FAM13B: variants seen among roughly 807,000 people sequenced by gnomAD.
FAM13B encodes family with sequence similarity 13 member B.
FAM13B carries 60 observed loss-of-function variants against 117.3 expected under a neutral mutation model. That is an observed-to-expected ratio of 0.51 (90% CI 0.42 to 0.63). The LOEUF (loss-of-function observed/expected upper bound fraction) is 0.63, where lower values mean the gene tolerates loss of function less well. Ranked by LOEUF, FAM13B falls within the 30% of genes least tolerant of loss-of-function variation. The pLI is 0.00. For synonymous variants in FAM13B, 332 were observed against 356.1 expected, an observed-to-expected ratio of 0.93 and a Z score of 0.76; for missense variants, 972 against 1,091.9, an observed-to-expected ratio of 0.89 and a Z score of 1.55.
Position 137,943,142 on chromosome 5 carries a change from T to G in FAM13B, c.2415A>C (p.Glu805Asp). Residue 805 changes from glutamate (E) to aspartate (D), a missense_variant, in exon 21 of 24, where the codon GAA becomes GAC. Coordinates refer to ENST00000689681, the MANE Select transcript of FAM13B (RefSeq NM_001385994.1). ...IIEGETAHFF[E>D]EIKEEEEDGV... ...TTCTTTAAAGGATTACCTTGATTTC[T>G]TCAAAAAAATGTGCAGTTTCTCCTT... The G allele has an allele frequency of 6.2e-7, 1 of 1,614,130 alleles. No homozygotes were observed. Among genetic ancestry groups the G allele is most frequent in the Non-Finnish European group, 8.5e-7 (1 of 1,179,996 alleles).
At chr5:137,945,747 T>A (rs1247183613) in intron 20 of FAM13B, among the ~76,000 whole-genome samples, 155 bp downstream of exon 20, 1 of 152,234 alleles carries the variant, frequency 6.6e-6, no homozygotes, top group East Asian at 1.9e-4. Flanking sequence ...GCAGACATTA[T>A]TAGTTTCCTA....
At chr5:137,948,708 T>C (rs1764102903) in intron 18 of FAM13B, among the ~76,000 whole-genome samples, 1 of 152,192 alleles carries the variant, frequency 6.6e-6, no homozygotes, top group Non-Finnish European at 1.5e-5. Flanking sequence ...TATACACTCA[T>C]CTTGCCAACT....
Position 137,948,976 on chromosome 5 carries a change from C to T in FAM13B, c.2139G>A (p.Arg713=), listed in dbSNP as rs779856268. Residue 713 remains arginine, a synonymous_variant, in exon 18 of 24, where the codon AGG becomes AGA. Coordinates refer to ENST00000689681, the MANE Select transcript of FAM13B (RefSeq NM_001385994.1). ...TTACCTTGATATCTTCTGGAAGACACCTCTCAATACGTTTTTCTTTCAGTC... is the reference window on the plus strand; with the variant it reads ...TTACCTTGATATCTTCTGGAAGACATCTCTCAATACGTTTTTCTTTCAGTC... ...LKRLKEKRIE[R]CLPEDIKKMT... The T allele has an allele frequency of 2.5e-6, 4 of 1,613,386 alleles. No homozygotes were observed. The highest frequency in any genetic ancestry group is 1.1e-5 in the South Asian group (1 of 91,072).
intron 7 of FAM13B, among the ~76,000 whole-genome samples, chr5:137,993,972 T>C (rs1405051222): frequency 1.3e-5 from 2 of 152,104 alleles, no homozygotes; most frequent in African/African-American, 4.8e-5. Flanking sequence ...ATATCCAGCC[T>C]CCAAAAAGAA....
At chr5:138,013,744 T>A (rs1190429693) in intron 4 of FAM13B, among the ~76,000 whole-genome samples, 1 of 152,146 alleles carries the variant, frequency 6.6e-6, no homozygotes, top group Admixed American at 6.6e-5. Context: ...AGAAAATTAT[T>A]ATAGAAATCA....
intron 17 of FAM13B, among the ~76,000 whole-genome samples, chr5:137,951,472 C>T (rs1765016064): frequency 6.6e-6 from 1 of 151,860 alleles, no homozygotes; most frequent in Non-Finnish European, 1.5e-5. Flanking sequence ...AATCCAGGCA[C>T]AAAGCAAGAC....
At chr5:138,022,088 G>A (rs1243010939) in intron 1 of FAM13B, among the ~76,000 whole-genome samples, 1 of 149,538 alleles carries the variant, frequency 6.7e-6, no homozygotes, top group African/African-American at 2.5e-5. Context: ...ACTCCAGCCC[G>A]GGCAACAAAG....
intron 1 of FAM13B, among the ~76,000 whole-genome samples, chr5:138,032,194 G>A (rs934459626): frequency 6.6e-6 from 1 of 152,176 alleles, no homozygotes; most frequent in Admixed American, 6.5e-5. Context: ...GAACCCTAAT[G>A]CTATACAAAG....
intron 1 of FAM13B, among the ~76,000 whole-genome samples, chr5:138,045,692 C>T (rs1430099000): frequency 6.6e-6 from 1 of 151,868 alleles, no homozygotes; most frequent in African/African-American, 2.4e-5. Context: ...GAGGTACGTA[C>T]ACAGGTGGTA....
In FAM13B at chr5:137,973,340, C is replaced by G. The variant is rs576112128; in HGVS notation, c.1180-10871G>C. Among the ~76,000 whole-genome samples, 782 of 152,050 alleles carry G rather than the reference C, an allele frequency of 5.1e-3. 3 individuals are homozygous for G. Among genetic ancestry groups the G allele is most frequent in the African/African-American group, 0.012 (517 of 41,460 alleles). ...ACTATCTGATCTTTGACAAACCTGA[C>G]AAAAACAAGCAATGGGGAAAGGATT... On this transcript the variant is annotated intron_variant, in intron 10 of 23. Coordinates refer to ENST00000689681, the MANE Select transcript of FAM13B (RefSeq NM_001385994.1).
In FAM13B at chr5:137,953,586, C is replaced by T. The variant is rs1250524341; in HGVS notation, c.1719-121G>A. ...CTTAAAGGTAAAAATAAGTCCCTAA[C>T]ACTAAAGGACAGGTAGTATAAAGAA... On this transcript the variant is annotated intron_variant, in intron 15 of 23. Coordinates refer to ENST00000689681, the MANE Select transcript of FAM13B (RefSeq NM_001385994.1). 6.4e-6 allele frequency: 6 copies of T among 939,496 alleles called. No individual in the cohort carries two copies. The African/African-American group carries it at 9.8e-5, about 15-fold the overall frequency. 58.2% of individuals were successfully genotyped at this position (939,496 alleles called of 1,614,324 possible).
rs1467304074 is a variant in FAM13B, at chr5:138,011,965, G to T, written c.371-20C>A. ...TATAATCTATAAAACAATAATAACA[G>T]GTTTTTTTCAATAAAGGAAAAAGCA... is the stretch of plus-strand genomic sequence containing the variant. On this transcript the variant is annotated intron_variant, in intron 4 of 23. Transcript: ENST00000689681. 3 of 1,521,048 alleles carry T rather than the reference G, an allele frequency of 2.0e-6. No homozygotes were observed. Among genetic ancestry groups the T allele is most frequent in the Non-Finnish European group, 2.7e-6 (3 of 1,129,496 alleles). The allele number at this position is 1,521,048 out of a possible 1,614,324, so 94.2% of individuals were successfully genotyped here.
intron 1 of FAM13B, among the ~76,000 whole-genome samples, chr5:138,042,905 A>G (rs547440712): frequency 6.6e-6 from 1 of 152,268 alleles, no homozygotes; most frequent in African/African-American, 2.4e-5. Flanking sequence ...CAGCCTGGCT[A>G]ACATGGTGAA....
At chr5:137,945,287 A>G (rs115708573) in intron 20 of FAM13B, among the ~76,000 whole-genome samples, 2,026 of 152,304 alleles carry the variant, frequency 0.013, 34 homozygotes, top group African/African-American at 0.044. Flanking sequence ...AGACCAATCT[A>G]TCTACAGTCA....
chr5:137,953,505 G>A lies in FAM13B; in HGVS notation c.1719-40C>T, dbSNP rs200376672. 76 of 1,603,852 alleles carry A rather than the reference G, an allele frequency of 4.7e-5. No individual in the cohort carries two copies. In the East Asian group the frequency reaches 1.5e-3, roughly 33 times the overall value. Reference sequence around the variant, plus strand: ...AAGGCCAACACTGTTAAATTTTCAAGTACCAACACTGTATCTCTTATTGCC... The same window carrying A: ...AAGGCCAACACTGTTAAATTTTCAAATACCAACACTGTATCTCTTATTGCC... On this transcript the variant is annotated intron_variant, in intron 15 of 23. Transcript: ENST00000689681.
chr5:138,011,690 T>C, intron 5 of FAM13B, 78 bp downstream of exon 5: 1 of 1,021,342 alleles, frequency 9.8e-7, no homozygotes, highest in South Asian at 1.5e-5. Context: ...AGTGCTGGGA[T>C]TACAGGCATG....
chr5:138,009,166 AAC>A lies in FAM13B; in HGVS notation c.690+1840_690+1841del, dbSNP rs1324050645. Among the ~76,000 whole-genome samples, 7 of 152,278 alleles carry A rather than the reference AAC, an allele frequency of 4.6e-5. No homozygotes were observed. The South Asian group carries it at 1.5e-3, about 32-fold the overall frequency. The stretch of plus-strand genomic sequence containing the variant: ...AAAACAAAAACAAAAATAAAAACAA[AAC>A]AGTTAGTGAACCATTAAGTTCACAT... On this transcript the variant is annotated intron_variant, in intron 6 of 23. Coordinates refer to ENST00000689681, the MANE Select transcript of FAM13B (RefSeq NM_001385994.1).
intron 10 of FAM13B, among the ~76,000 whole-genome samples, chr5:137,975,324 GCTAA>G (rs1387823250): frequency 2.0e-5 from 3 of 152,090 alleles, no homozygotes; most frequent in Admixed American, 6.5e-5. Context: ...CTGTACCCTG[GCTAA>G]CTATTTCAAA....
chr5:138,021,057 A>C lies in FAM13B; in HGVS notation c.-62T>G, dbSNP rs575577299. On this transcript the variant is annotated 5_prime_UTR_variant, in exon 2 of 24. It introduces an in-frame stop codon into an upstream open reading frame of the 5' UTR. Coordinates refer to ENST00000689681, the MANE Select transcript of FAM13B (RefSeq NM_001385994.1). Reference sequence around the variant, plus strand: ...TTTCAGTACTTAAATACCTAAGTTTAAAAAATGGCTTCTGCACCAGCTACC... The same window carrying C: ...TTTCAGTACTTAAATACCTAAGTTTCAAAAATGGCTTCTGCACCAGCTACC... The C allele has an allele frequency of 8.1e-7, 1 of 1,231,530 alleles. No homozygotes were observed. Among genetic ancestry groups the C allele is most frequent in the African/African-American group, 1.5e-5 (1 of 64,530 alleles). The allele number at this position is 1,231,530 out of a possible 1,614,324, so 76.3% of individuals were successfully genotyped here.
Sources: gnomAD v4.1 joint callset for allele counts (sites outside exome capture counted in the v4.1 genomes callset) on GRCh38, gnomAD v4.1.1 for gene constraint, MANE v1.5 for transcripts, NCBI Gene and HGNC (gene_info 2026-07-23, HGNC 2026-07-21) for gene names.